The following FBXO25 variants were observed in gnomAD, a reference collection of about 807,000 sequenced individuals.
FBXO25 encodes F-box only protein 25.
In FBXO25, 45 loss-of-function variants were observed where a neutral mutation model predicts 51.9. The ratio of observed to expected loss-of-function variants is 0.87; its 90% CI spans 0.68 to 1.11. The LOEUF (loss-of-function observed/expected upper bound fraction) is 1.11. FBXO25 is among the 50% of genes most tolerant of loss of function. The probability of loss-of-function intolerance (pLI) is 0.00; values close to 1 mark genes in which losing one functional copy is unlikely to be tolerated. For synonymous variants in FBXO25, 199 were observed against 151.0 expected (o/e 1.32, Z -2.33); for missense variants, 507 against 428.5 (o/e 1.18, Z -1.62).
intron 1 of FBXO25, among the ~76,000 whole-genome samples, chr8:408,053 A>G (rs1400142593): frequency 6.6e-6 from 1 of 152,212 alleles, no homozygotes; most frequent in African/African-American, 2.4e-5. Flanking sequence ...CCTCGTCTTT[A>G]CGTGTTTACC....
intron 8 of FBXO25, among the ~76,000 whole-genome samples, chr8:460,229 T>C (rs973365416): frequency 7.2e-5 from 11 of 152,166 alleles, no homozygotes; most frequent in Non-Finnish European, 1.5e-4. Context: ...CTAAACATAC[T>C]TAAGGATGTC....
At chr8:454,119 C>A (rs1012341905) in intron 7 of FBXO25, among the ~76,000 whole-genome samples, 3 of 151,798 alleles carry the variant, frequency 2.0e-5, no homozygotes, top group Admixed American at 6.6e-5. Context: ...AGTGAAACTC[C>A]GTCTCAAAAA....
Position 415,674 on chromosome 8 carries a change from G to C in FBXO25, c.134+2461G>C, listed in dbSNP as rs1308394565. On this transcript the variant is annotated intron_variant, in intron 2 of 9. Coordinates refer to ENST00000350302, the MANE Select transcript of FBXO25 (RefSeq NM_183420.2). ...CACATATTGATTGGACTAGCCAAAA[G>C]GGTGGCCCTGAGAAGGACTCTGAGG... is the stretch of plus-strand genomic sequence containing the variant. Among the ~76,000 whole-genome samples the C allele has an allele frequency of 3.9e-5, 6 of 152,260 alleles. No individual in the cohort carries two copies. The South Asian group carries it at 6.2e-4, about 16-fold the overall frequency.
chr8:458,990 C>A lies in FBXO25; in HGVS notation c.843+439C>A, dbSNP rs80014128. On this transcript the variant is annotated intron_variant, in intron 8 of 9. Transcript: ENST00000350302. Reference sequence around the variant, plus strand: ...TCCTGAGTGTCCACAGCCCCTCCCCCCTGCCTTGTGTGCTGCACTTGGGAG... The same window carrying A: ...TCCTGAGTGTCCACAGCCCCTCCCCACTGCCTTGTGTGCTGCACTTGGGAG... 7.3e-3 allele frequency among the ~76,000 whole-genome samples: 1,115 copies of A among 152,256 alleles called. 20 individuals carry two copies. The highest frequency in any genetic ancestry group is 0.072 in the East Asian group (374 of 5,162).
chr8:441,013 G>C (rs1798394039), intron 5 of FBXO25, among the ~76,000 whole-genome samples: 1 of 147,818 alleles, frequency 6.8e-6, no homozygotes, highest in Non-Finnish European at 1.5e-5. Context: ...TTGGTTCCAA[G>C]TCTTTGCTAT....
At chr8:450,993 C>T (rs1029669161) in intron 6 of FBXO25, 2 of 265,464 alleles carry the variant, frequency 7.5e-6, no homozygotes, top group Non-Finnish European at 1.4e-5. Context: ...ATGTAAGTGC[C>T]TTATGTAAGT....
chr8:437,750 T>TG (rs1293889082), intron 5 of FBXO25, among the ~76,000 whole-genome samples: 12 of 151,956 alleles, frequency 7.9e-5, no homozygotes, highest in African/African-American at 2.7e-4. Context: ...TTTTTTTTTT[T>TG]TTTTTACTTT....
chr8:433,997 G>T (rs1445188254), intron 4 of FBXO25, among the ~76,000 whole-genome samples: 1 of 152,166 alleles, frequency 6.6e-6, no homozygotes, highest in African/African-American at 2.4e-5. Context: ...CATCTGCTCT[G>T]TTGCCATACT....
chr8:442,953 C>T (rs756825464), intron 5 of FBXO25, among the ~76,000 whole-genome samples: 4 of 152,000 alleles, frequency 2.6e-5, no homozygotes, highest in Non-Finnish European at 5.9e-5. Context: ...ATAAAAATGC[C>T]GGATTAAAGT....
intron 2 of FBXO25, among the ~76,000 whole-genome samples, chr8:427,226 A>G (rs1400148155): frequency 6.6e-6 from 1 of 152,098 alleles, no homozygotes; most frequent in Non-Finnish European, 1.5e-5. Flanking sequence ...GCTGACCAAA[A>G]TGTCCTCCAG....
chr8:408,614 C>T (rs370705226), intron 1 of FBXO25, among the ~76,000 whole-genome samples: 2 of 152,202 alleles, frequency 1.3e-5, no homozygotes, highest in African/African-American at 2.4e-5. Flanking sequence ...ATGGTAAGCT[C>T]TAATAAATGT....
rs536922912 is a variant in FBXO25 at position 450,232 on chromosome 8, C to A, written c.475+149C>A. The A allele has an allele frequency of 1.8e-5, 9 of 512,710 alleles. No individual in the cohort carries two copies. In the South Asian group the frequency reaches 3.4e-4, roughly 20 times the overall value. 31.8% of individuals were successfully genotyped at this position (512,710 alleles called of 1,614,324 possible). Reference sequence around the variant, plus strand: ...TGATAACATCAGAAATACAGGTCATCCTTCCAGTTCCCAGTGTTCTGTTAC... The same window carrying A: ...TGATAACATCAGAAATACAGGTCATACTTCCAGTTCCCAGTGTTCTGTTAC... On this transcript the variant is annotated intron_variant, in intron 6 of 9. Coordinates refer to ENST00000350302, the MANE Select transcript of FBXO25 (RefSeq NM_183420.2).
At chr8:451,204 CTA>C in intron 6 of FBXO25, 63 bp from the exon 7 acceptor site, 1 of 1,420,696 alleles carries the variant, frequency 7.0e-7, no homozygotes. Flanking sequence ...GGTTATGAAA[CTA>C]GATCTTTTTT....
In FBXO25 at chr8:438,729, A is replaced by G. The variant is rs138936060; in HGVS notation, c.381+3022A>G. 8.7e-3 allele frequency among the ~76,000 whole-genome samples: 1,331 copies of G among 152,308 alleles called. 8 individuals are homozygous for G. Among genetic ancestry groups the G allele is most frequent in the Middle Eastern group, 0.017 (5 of 294 alleles). ...CGTACCTTGGCTTTTCTAACTTTCA[A>G]GAAACTTTGAAATCCAGTTCTAGTC... On this transcript the variant is annotated intron_variant, in intron 5 of 9. Coordinates refer to ENST00000350302, the MANE Select transcript of FBXO25 (RefSeq NM_183420.2).
chr8:443,566 T>A (rs1275324788), intron 5 of FBXO25, among the ~76,000 whole-genome samples: 1 of 151,006 alleles, frequency 6.6e-6, no homozygotes, highest in Non-Finnish European at 1.5e-5. Flanking sequence ...AAAAATAGAA[T>A]GACTTCTCAC....
chr8:444,153 G>C (rs1339792890), intron 5 of FBXO25, among the ~76,000 whole-genome samples: 2 of 152,220 alleles, frequency 1.3e-5, no homozygotes, highest in Admixed American at 1.3e-4. Flanking sequence ...CTCAGTAAAT[G>C]CTTACAGTTC....
chr8:464,963 T>G (rs1411207449), intron 9 of FBXO25, among the ~76,000 whole-genome samples: 1 of 152,234 alleles, frequency 6.6e-6, no homozygotes, highest in Non-Finnish European at 1.5e-5. Context: ...CAGTTTATTC[T>G]CGATTTGGTG....
chr8:461,732 A>G (rs898201746), intron 8 of FBXO25, among the ~76,000 whole-genome samples: 8 of 152,096 alleles, frequency 5.3e-5, no homozygotes, highest in Non-Finnish European at 8.8e-5. Flanking sequence ...CCTGTTCTGG[A>G]TGTGTAATGT....
chr8:462,127 C>T (rs1003705956), intron 8 of FBXO25, among the ~76,000 whole-genome samples: 1 of 152,156 alleles, frequency 6.6e-6, no homozygotes, highest in African/African-American at 2.4e-5. Flanking sequence ...TGTGTGAGGT[C>T]TCTTGATTCT....
Sources: allele counts gnomAD v4.1 joint callset (sites outside exome capture counted in the v4.1 genomes callset), GRCh38; gene constraint gnomAD v4.1.1; transcripts MANE v1.5; gene names NCBI Gene and HGNC (gene_info 2026-07-23, HGNC 2026-07-21).